SORCS2: variants seen among roughly 807,000 people sequenced by gnomAD.
The protein encoded by SORCS2 is VPS10 domain-containing receptor SorCS2.
A neutral mutation model predicts 141.6 loss-of-function variants in SORCS2; 100 were observed. That is an observed-to-expected ratio of 0.71 (90% confidence interval 0.60 to 0.83). SORCS2 has a LOEUF of 0.83. SORCS2 is among the 40% of genes least tolerant of loss of function. The pLI is 0.00. For synonymous variants in SORCS2, 789 were observed against 676.9 expected, an observed-to-expected ratio of 1.17 and a Z score of -2.57; for missense variants, 1,646 against 1,560.2, an observed-to-expected ratio of 1.05 and a Z score of -0.93.
At position 7,462,387 on chromosome 4, in the gene SORCS2, C is replaced by T. The variant is rs116130886; in HGVS notation, c.548+66032C>T. 3.5e-3 allele frequency among the ~76,000 whole-genome samples: 532 copies of T among 152,268 alleles called. 5 individuals are homozygous for T. Among genetic ancestry groups the T allele is most frequent in the African/African-American group, 0.011 (468 of 41,562 alleles). ...GCACGAAGGATCTAAAGACGGGCTTCGGGAGGCTGGGAGTGGGACTAAGAA... is the reference window on the plus strand; with the variant it reads ...GCACGAAGGATCTAAAGACGGGCTTTGGGAGGCTGGGAGTGGGACTAAGAA... On this transcript the variant is annotated intron_variant, in intron 2 of 26. Coordinates refer to ENST00000507866, the MANE Select transcript of SORCS2 (RefSeq NM_020777.3).
chr4:7,198,075 G>C (rs1727270374), intron 1 of SORCS2, among the ~76,000 whole-genome samples: 1 of 152,224 alleles, frequency 6.6e-6, no homozygotes, highest in Non-Finnish European at 1.5e-5. Context: ...GAGGGCTGCA[G>C]GGTGAGACAT....
chr4:7,202,221 G>A (rs572039091), intron 1 of SORCS2, among the ~76,000 whole-genome samples: 9 of 152,302 alleles, frequency 5.9e-5, no homozygotes, highest in South Asian at 2.1e-4. Context: ...CAACAGCAAC[G>A]TCTTTTCCAT....
chr4:7,715,258 A>G lies in SORCS2; in HGVS notation c.2199A>G (p.Pro733=), dbSNP rs762065216. 24 of 1,613,820 alleles carry G rather than the reference A, an allele frequency of 1.5e-5. No homozygotes were observed. The highest frequency in any genetic ancestry group is 1.9e-5 in the Non-Finnish European group (22 of 1,179,848). ...NKCSANFWFN[P]LSPPDDCALG... is the part of the protein sequence containing the mutation. ...GCTCTGCCAACTTCTGGTTTAACCC[A>G]TTGTCCCCGCCTGACGACTGTGCCC... is the stretch of plus-strand genomic sequence containing the variant. Residue 733 remains proline (P), a synonymous_variant, in exon 17 of 27, where the codon CCA becomes CCG. Coordinates refer to ENST00000507866, the MANE Select transcript of SORCS2 (RefSeq NM_020777.3).
chr4:7,476,206 G>C (rs1035042130), intron 2 of SORCS2, among the ~76,000 whole-genome samples: 1 of 152,226 alleles, frequency 6.6e-6, no homozygotes, highest in African/African-American at 2.4e-5. Flanking sequence ...TACTCAAGGA[G>C]AGATACAGAT....
intron 3 of SORCS2, among the ~76,000 whole-genome samples, chr4:7,620,275 G>T (rs968857279): frequency 6.6e-6 from 1 of 152,220 alleles, no homozygotes; most frequent in Non-Finnish European, 1.5e-5. Context: ...GTTGGGCTTT[G>T]TTGGGAACAA....
chr4:7,256,479 G>A lies in SORCS2; in HGVS notation c.480+63353G>A, dbSNP rs147899016. On this transcript the variant is annotated intron_variant, in intron 1 of 26. Coordinates refer to ENST00000507866, the MANE Select transcript of SORCS2 (RefSeq NM_020777.3). Reference sequence around the variant, plus strand: ...ATGGCAGTTTGCAGCCTCTGGGCAGGAACTCTAAACTGTGGGGATATATTC... The same window carrying A: ...ATGGCAGTTTGCAGCCTCTGGGCAGAAACTCTAAACTGTGGGGATATATTC... Among the ~76,000 whole-genome samples, 302 of 152,280 alleles carry A rather than the reference G, an allele frequency of 2.0e-3. 2 individuals carry two copies. Among genetic ancestry groups the A allele is most frequent in the African/African-American group, 6.6e-3 (273 of 41,552 alleles).
intron 2 of SORCS2, among the ~76,000 whole-genome samples, chr4:7,475,937 G>A (rs1158610644): frequency 1.3e-5 from 2 of 152,236 alleles, no homozygotes; most frequent in African/African-American, 4.8e-5. Context: ...CCCTTCGGCT[G>A]TGACGAAGGA....
chr4:7,384,638 T>G (rs1030488046), intron 1 of SORCS2, among the ~76,000 whole-genome samples: 5 of 152,168 alleles, frequency 3.3e-5, no homozygotes, highest in African/African-American at 4.8e-5. Context: ...AACGTCCGGC[T>G]CCACCCAAGA....
At chr4:7,204,591 C>G (rs1727634885) in intron 1 of SORCS2, among the ~76,000 whole-genome samples, 1 of 152,162 alleles carries the variant, frequency 6.6e-6, no homozygotes, top group Admixed American at 6.5e-5. Flanking sequence ...TTGTGTTGTA[C>G]CCACTTGCCG....
At position 7,654,169 on chromosome 4, in the gene SORCS2, A is replaced by C. The variant is rs1334694631; in HGVS notation, c.849A>C (p.Thr283=). Residue 283 remains threonine, a synonymous_variant, in exon 5 of 27, where the codon ACA becomes ACC. Transcript: ENST00000507866. ...CATCTGACTTGGGGAAAAAGTGGAC[A>C]CTTCTGCAAGAGCGAGTGACCAAAG... The part of the protein sequence containing the change: ...YVSSDLGKKW[T]LLQERVTKDH... The C allele has an allele frequency of 6.3e-7, 1 of 1,584,074 alleles. No homozygotes were observed. Among genetic ancestry groups the C allele is most frequent in the Non-Finnish European group, 8.6e-7 (1 of 1,163,700 alleles).
At chr4:7,206,515 C>T in intron 1 of SORCS2, among the ~76,000 whole-genome samples, 1 of 152,174 alleles carries the variant, frequency 6.6e-6, no homozygotes, top group Non-Finnish European at 1.5e-5. Context: ...AGCTCTTTAA[C>T]GCACTAATTA....
chr4:7,251,726 C>T (rs1358741976), intron 1 of SORCS2, among the ~76,000 whole-genome samples: 2 of 152,084 alleles, frequency 1.3e-5, no homozygotes, highest in African/African-American at 4.8e-5. Context: ...GAGAAGTCCT[C>T]CAGAGACAAG....
chr4:7,571,053 T>A (rs1715355569), intron 3 of SORCS2, among the ~76,000 whole-genome samples: 1 of 152,052 alleles, frequency 6.6e-6, no homozygotes, highest in Admixed American at 6.5e-5. Context: ...TGTCCCCATC[T>A]CCCCAGCTGG....
intron 1 of SORCS2, among the ~76,000 whole-genome samples, chr4:7,327,663 C>T (rs1719358950): frequency 6.6e-6 from 1 of 152,228 alleles, no homozygotes; most frequent in African/African-American, 2.4e-5. Context: ...TTTGCCCCTG[C>T]AGTGTCTCCC....
At chr4:7,549,723 C>T (rs775236658) in intron 3 of SORCS2, among the ~76,000 whole-genome samples, 15 of 152,218 alleles carry the variant, frequency 9.9e-5, no homozygotes, top group African/African-American at 2.7e-4. Flanking sequence ...CAGCCCGCTG[C>T]GCACACACAG....
intron 3 of SORCS2, among the ~76,000 whole-genome samples, chr4:7,571,678 G>A (rs537437139): frequency 1.8e-4 from 27 of 152,180 alleles, no homozygotes; most frequent in South Asian, 4.2e-4. Flanking sequence ...GAGGGAGCCC[G>A]AAGAAATTGG....
At chr4:7,215,092 A>C (rs138742548) in intron 1 of SORCS2, among the ~76,000 whole-genome samples, 48,239 of 151,940 alleles carry the variant, frequency 0.32, 8,369 homozygotes, top group Non-Finnish European at 0.39. Context: ...TGGCCAAGGC[A>C]GGAGCCCACT....
At chr4:7,435,332 G>C (rs9997955) in intron 2 of SORCS2, among the ~76,000 whole-genome samples, 2 of 152,148 alleles carry the variant, frequency 1.3e-5, no homozygotes, top group East Asian at 3.9e-4. Flanking sequence ...TGGGAGGTAC[G>C]GAAAGGCACC....
intron 4 of SORCS2, among the ~76,000 whole-genome samples, chr4:7,652,998 A>C (rs1279690571): frequency 4.0e-5 from 6 of 151,622 alleles, no homozygotes; most frequent in Admixed American, 2.0e-4. Context: ...ACACCCTCCC[A>C]GGCCCCCAGG....
Sources: allele counts gnomAD v4.1 joint callset (sites outside exome capture counted in the v4.1 genomes callset), GRCh38; gene constraint gnomAD v4.1.1; transcripts MANE v1.5; gene names NCBI Gene and HGNC (gene_info 2026-07-23, HGNC 2026-07-21).